CRYBA4: variants seen among roughly 807,000 people sequenced by gnomAD.
The protein encoded by CRYBA4 is beta-crystallin A4.
Under a neutral mutation model 31.7 loss-of-function variants are expected in CRYBA4, and 30 were observed. The observed-to-expected ratio is 0.95, with a 90% CI of 0.71 to 1.28. CRYBA4 has a LOEUF of 1.28. Ranked by LOEUF, CRYBA4 falls within the 50% of genes most tolerant of loss-of-function variation. The pLI is 0.00. For synonymous variants in CRYBA4, 102 were observed against 102.3 expected, an observed-to-expected ratio of 1.00 and a Z score of 0.02; for missense variants, 225 against 260.7, an observed-to-expected ratio of 0.86 and a Z score of 0.94.
the CRYBA4 span, among the ~76,000 whole-genome samples, chr22:26,608,709 C>T: frequency 0.022 from 3,305 of 151,922 alleles, 49 homozygotes; most frequent in Middle Eastern, 0.065. Flanking sequence ...ACGACAGTCT[C>T]GGAGGTACAG....
At chr22:26,623,449 C>A in intron 3 of CRYBA4, 97 bp downstream of exon 3, 1 of 939,366 alleles carries the variant, frequency 1.1e-6, no homozygotes, top group East Asian at 2.4e-5. Context: ...TCCCCTCTCC[C>A]TAGGCTCTTA....
chr22:26,605,572 G>T, the CRYBA4 span, among the ~76,000 whole-genome samples: 5 of 151,374 alleles, frequency 3.3e-5, no homozygotes, highest in African/African-American at 1.2e-4. Flanking sequence ...TACTTGGGAG[G>T]CTGAGGCAGG....
intron 4 of CRYBA4, 73 bp from the exon 5 acceptor site, chr22:26,628,215 G>C: frequency 6.2e-7 from 1 of 1,607,178 alleles, no homozygotes; most frequent in Admixed American, 1.7e-5. Context: ...GGCAGGGAGT[G>C]TGGAGGCCAG....
the CRYBA4 span, among the ~76,000 whole-genome samples, chr22:26,611,476 T>G: frequency 2.7e-5 from 4 of 148,412 alleles, no homozygotes; most frequent in South Asian, 2.2e-4. Context: ...TTTGTTTTTT[T>G]TTTTTTTTTG....
the CRYBA4 span, among the ~76,000 whole-genome samples, chr22:26,606,957 C>T: frequency 6.6e-6 from 1 of 150,664 alleles, no homozygotes; most frequent in African/African-American, 2.4e-5. Context: ...TTATAAGAAA[C>T]TAATTCAGTA....
the CRYBA4 span, among the ~76,000 whole-genome samples, chr22:26,610,201 A>G: frequency 9.2e-5 from 14 of 152,324 alleles, no homozygotes; most frequent in Non-Finnish European, 4.4e-5. Flanking sequence ...ATTTTAATTT[A>G]TAAGATATGG....
intron 4 of CRYBA4, among the ~76,000 whole-genome samples, chr22:26,627,258 C>A (rs1490873622): frequency 6.6e-6 from 1 of 151,804 alleles, no homozygotes; most frequent in African/African-American, 2.4e-5. Flanking sequence ...CAGCTGCCTC[C>A]TAGCAGGAAG....
chr22:26,604,539 T>A, the CRYBA4 span, among the ~76,000 whole-genome samples: 1 of 152,112 alleles, frequency 6.6e-6, no homozygotes, highest in Non-Finnish European at 1.5e-5. Context: ...CAGGGAAGGC[T>A]TCATGGAAGA....
intron 4 of CRYBA4, among the ~76,000 whole-genome samples, chr22:26,627,512 C>A (rs927262630): frequency 2.8e-4 from 25 of 88,080 alleles, no homozygotes; most frequent in Admixed American, 1.5e-3. Context: ...TTCTTTCTTT[C>A]TTTCTTTCTT....
chr22:26,615,916 G>A, the CRYBA4 span, among the ~76,000 whole-genome samples: 2 of 152,258 alleles, frequency 1.3e-5, no homozygotes, highest in East Asian at 1.9e-4. Flanking sequence ...GGAGGCCAAG[G>A]TGAGGGAAAA....
chr22:26,630,658 G>GA lies in CRYBA4; in HGVS notation c.*174dup, dbSNP rs1569213210. The GA allele has an allele frequency of 1.6e-6, 1 of 609,460 alleles. No individual in the cohort carries two copies. Among genetic ancestry groups the GA allele is most frequent in the East Asian group, 2.8e-5 (1 of 35,984 alleles). The allele number at this position is 609,460 out of a possible 1,614,324, so 37.8% of individuals were successfully genotyped here. A position where few individuals can be genotyped will look rare whatever the true frequency, so the allele number is the denominator to read the frequency against. ...AAAAAACTCAAACGAATAAAAAAGA[G>GA]AAAGTCTGGTATTAGTTGTGCTTTT... On this transcript the variant is annotated 3_prime_UTR_variant, in exon 6 of 6. Coordinates refer to ENST00000354760, the MANE Select transcript of CRYBA4 (RefSeq NM_001886.3).
the CRYBA4 span, among the ~76,000 whole-genome samples, chr22:26,608,784 G>A: frequency 6.6e-6 from 1 of 152,006 alleles, no homozygotes; most frequent in East Asian, 1.9e-4. Flanking sequence ...CTGGTATTCG[G>A]GAGATACTCA....
intron 3 of CRYBA4, among the ~76,000 whole-genome samples, chr22:26,623,722 CTAAA>C (rs1929615671): frequency 6.6e-6 from 1 of 150,496 alleles, no homozygotes; most frequent in South Asian, 2.1e-4. Context: ...TAATTTTTAG[CTAAA>C]TAGTCTTGCT....
chr22:26,599,357 C>T, the CRYBA4 span: 1 of 792,814 alleles, frequency 1.3e-6, no homozygotes, highest in Non-Finnish European at 2.1e-6. Context: ...CTATGGGGGA[C>T]CTCAAGGCAC....
At chr22:26,616,252 C>T in the CRYBA4 span, 1 of 1,614,102 alleles carries the variant, frequency 6.2e-7, no homozygotes, top group Non-Finnish European at 8.5e-7. Context: ...GGCCCCCTTC[C>T]CCTTGGTGTC....
At chr22:26,591,890 T>TACAC in the CRYBA4 span, among the ~76,000 whole-genome samples, 7,540 of 135,848 alleles carry the variant, frequency 0.056, 241 homozygotes, top group African/African-American at 0.085. Flanking sequence ...CCTGGGTGAG[T>TACAC]ACACACACAC....
chr22:26,601,791 T>A, the CRYBA4 span: 1 of 1,597,464 alleles, frequency 6.3e-7, no homozygotes, highest in Admixed American at 1.7e-5. Flanking sequence ...TCTCTAGGAA[T>A]CTGATGTTAT....
chr22:26,621,464 C>T (rs996785507), upstream of CRYBA4, among the ~76,000 whole-genome samples: 1 of 152,220 alleles, frequency 6.6e-6, no homozygotes. Context: ...AATGCCTCCT[C>T]TAACGGCAAG....
At chr22:26,621,658 T>C (rs577881551), upstream of CRYBA4, among the ~76,000 whole-genome samples, 1 of 152,340 alleles carries the variant, frequency 6.6e-6, no homozygotes, top group South Asian at 2.1e-4. Flanking sequence ...GGAGCTCACA[T>C]AGCTAGGAAG....
Sources: allele counts gnomAD v4.1 joint callset (sites outside exome capture counted in the v4.1 genomes callset), GRCh38; gene constraint gnomAD v4.1.1; transcripts MANE v1.5; gene names NCBI Gene and HGNC (gene_info 2026-07-23, HGNC 2026-07-21).